Variants in DYNC2H1 observed in about 807,000 individuals in gnomAD.
DYNC2H1 encodes the protein dynein cytoplasmic 2 heavy chain 1.
A neutral mutation model predicts 570.0 loss-of-function variants in DYNC2H1; 410 were observed. The ratio of observed to expected loss-of-function variants is 0.72; its 90% CI spans 0.66 to 0.78. DYNC2H1 has a LOEUF of 0.78. Among genes scored for constraint, DYNC2H1 ranks in the 30% least tolerant of loss-of-function variants. The pLI is 0.00. For missense variants in DYNC2H1, 4,865 were observed against 5,046.4 expected (o/e 0.96, Z 1.09); for synonymous variants, 1,688 against 1,677.6 (o/e 1.01, Z -0.15).
intron 84 of DYNC2H1, among the ~76,000 whole-genome samples, chr11:103,401,193 G>A (rs1435730452): frequency 6.6e-6 from 1 of 152,162 alleles, no homozygotes; most frequent in African/African-American, 2.4e-5. Context: ...GAATCACACA[G>A]CAAAGAGTTC....
intron 60 of DYNC2H1, 68 bp downstream of exon 60, chr11:103,231,414 T>G: frequency 9.3e-7 from 1 of 1,074,096 alleles, no homozygotes; most frequent in Non-Finnish European, 1.3e-6. Flanking sequence ...CTTGATTTCT[T>G]TCTTGTTTTG....
At chr11:103,253,188 G>A in intron 65 of DYNC2H1, 97 bp from the exon 66 acceptor site, 1 of 1,272,654 alleles carries the variant, frequency 7.9e-7, no homozygotes, top group Non-Finnish European at 1.1e-6. Flanking sequence ...CTGTCGAAAA[G>A]CCTATATTTA....
intron 85 of DYNC2H1, among the ~76,000 whole-genome samples, chr11:103,442,309 T>C (rs937950837): frequency 1.3e-5 from 2 of 152,116 alleles, no homozygotes; most frequent in African/African-American, 2.4e-5. Flanking sequence ...CAAATAAATA[T>C]GTTAATATTA....
chr11:103,432,951 T>C (rs1943946124), intron 84 of DYNC2H1, among the ~76,000 whole-genome samples: 1 of 152,158 alleles, frequency 6.6e-6, no homozygotes, highest in East Asian at 1.9e-4. Flanking sequence ...TTTCAAGGCA[T>C]AGCTTAATAG....
intron 84 of DYNC2H1, among the ~76,000 whole-genome samples, chr11:103,411,539 GA>G (rs910148202): frequency 4.1e-5 from 6 of 145,722 alleles, no homozygotes; most frequent in Non-Finnish European, 6.0e-5. Flanking sequence ...ATAAACACTT[GA>G]AAAAAAAAGG....
chr11:103,135,970 A>G (rs1859517325), intron 17 of DYNC2H1, 22 bp downstream of exon 17: 1 of 1,501,340 alleles, frequency 6.7e-7, no homozygotes, highest in African/African-American at 1.4e-5. Flanking sequence ...GTAATGTTCC[A>G]TCCTTCCATC....
At chr11:103,386,422 T>C (rs970858039) in intron 83 of DYNC2H1, among the ~76,000 whole-genome samples, 2 of 151,820 alleles carry the variant, frequency 1.3e-5, no homozygotes, top group Admixed American at 6.6e-5. Context: ...TTGAGAGCAG[T>C]TGGGCTCTCC....
rs1392656853 is a variant in DYNC2H1 at position 103,137,029 on chromosome 11, G to C, written c.2574+1081G>C. Among the ~76,000 whole-genome samples the C allele has an allele frequency of 1.0e-4, 15 of 150,284 alleles. 2 individuals are homozygous for C. The highest frequency in any genetic ancestry group is 9.3e-4 in the Admixed American group (14 of 15,046). ...TTTGGCTGCATAAATGTCTTCTTTT[G>C]AGAAGTGTCTGTTCATGTCCTTTGC... On this transcript the variant is annotated intron_variant, in intron 17 of 88. Coordinates refer to ENST00000375735, the MANE Select transcript of DYNC2H1 (RefSeq NM_001377.3).
intron 83 of DYNC2H1, among the ~76,000 whole-genome samples, chr11:103,371,496 A>G (rs973851067): frequency 6.6e-6 from 1 of 152,182 alleles, no homozygotes; most frequent in Non-Finnish European, 1.5e-5. Context: ...AGAGTACCTC[A>G]AGGCACTTAC....
chr11:103,133,433 T>G lies in DYNC2H1; in HGVS notation c.1954-122T>G. 1.2e-6 allele frequency: 1 copy of G among 854,546 alleles called. No individual in the cohort carries two copies. The highest frequency in any genetic ancestry group is 2.1e-5 in the South Asian group (1 of 47,394). 52.9% of individuals were successfully genotyped at this position (854,546 alleles called of 1,614,324 possible). ...CCTTATCATTTATAAAATGGAAAAT[T>G]ATTATGTGCTTTCTTTGTTGCAGGT... On this transcript the variant is annotated intron_variant, in intron 13 of 88. Transcript: ENST00000375735. This position sits in a 1 kb window ranked among gnomAD's most constrained non-coding sequence, Gnocchi z 4.8.
rs370585599 is a variant in DYNC2H1, at chr11:103,253,362, A to G, written c.10120A>G (p.Asn3374Asp). 8 of 1,613,388 alleles carry G rather than the reference A, an allele frequency of 5.0e-6. No individual in the cohort carries two copies. The African/African-American group carries it at 1.1e-4, about 22-fold the overall frequency. The change falls in exon 66 of 89, where the codon AAC (asparagine) becomes GAC (aspartate). Residue 3374 changes from asparagine to aspartate, a missense_variant. This residue lies in a region of DYNC2H1 where 2,401 missense variants were observed against 2,454.6 expected (regional missense o/e 0.98). Coordinates refer to ENST00000375735, the MANE Select transcript of DYNC2H1 (RefSeq NM_001377.3). Reference sequence around the variant, plus strand: ...ATTCCGCCTCTTTTTGTCAACAAGAAACCCAAATCCTTTTATTCCACCGGA... The same window carrying G: ...ATTCCGCCTCTTTTTGTCAACAAGAGACCCAAATCCTTTTATTCCACCGGA... ...EEFRLFLSTR[N>D]PNPFIPPDAA...
rs749396774 is a variant in DYNC2H1 at position 103,148,528 on chromosome 11, A to G, written c.2857A>G (p.Met953Val). The G allele has an allele frequency of 2.9e-5, 46 of 1,565,172 alleles. No homozygotes were observed. The highest frequency in any genetic ancestry group is 3.7e-5 in the Non-Finnish European group (43 of 1,153,174). Residue 953 changes from methionine (M) to valine (V), a missense_variant, in exon 20 of 89, where the codon ATG (methionine) becomes GTG (valine). By Grantham distance (21) the Met-to-Val change is conservative. Coordinates refer to ENST00000375735, the MANE Select transcript of DYNC2H1 (RefSeq NM_001377.3). Reference protein sequence around the residue: ...HEIDTFVTEAMEVLTIMPQSV... With the variant: ...HEIDTFVTEAVEVLTIMPQSV... ...AATTGATACATTTGTTACTGAGGCT[A>G]TGGAAGTCTTAACAATTATGCCCCA...
intron 75 of DYNC2H1, among the ~76,000 whole-genome samples, chr11:103,290,718 G>A (rs1388252588): frequency 6.6e-6 from 1 of 151,912 alleles, no homozygotes; most frequent in African/African-American, 2.4e-5. Context: ...TTTTCTTTGT[G>A]TCTTTGTCTC....
intron 55 of DYNC2H1, among the ~76,000 whole-genome samples, 186 bp from the exon 56 acceptor site, chr11:103,219,728 GA>G (rs1164673209): frequency 6.6e-6 from 1 of 152,162 alleles, no homozygotes; most frequent in Non-Finnish European, 1.5e-5. Flanking sequence ...CTTTCTGATA[GA>G]AAATATGGAG....
intron 53 of DYNC2H1, 140 bp downstream of exon 53, chr11:103,210,100 C>A: frequency 9.6e-7 from 1 of 1,047,050 alleles, no homozygotes; most frequent in Non-Finnish European, 1.2e-6. Flanking sequence ...TCTTCTGATG[C>A]AAACAAAATT....
chr11:103,236,587 G>C, intron 63 of DYNC2H1, 48 bp downstream of exon 63: 1 of 1,016,226 alleles, frequency 9.8e-7, no homozygotes, highest in Non-Finnish European at 1.5e-6. Context: ...TTATTGTCAA[G>C]CTTGCTGTAG....
chr11:103,473,642 A>G (rs1051987157), intron 88 of DYNC2H1, among the ~76,000 whole-genome samples: 1 of 152,180 alleles, frequency 6.6e-6, no homozygotes, highest in Non-Finnish European at 1.5e-5. Context: ...CCTACACCCT[A>G]TGCTCCATCA....
intron 82 of DYNC2H1, among the ~76,000 whole-genome samples, chr11:103,342,993 G>T (rs1041462753): frequency 2.0e-5 from 3 of 152,052 alleles, no homozygotes; most frequent in Non-Finnish European, 4.4e-5. Context: ...TAAACACTGG[G>T]CACCCATTGG....
At chr11:103,453,518 TA>T (rs1944678807) in intron 85 of DYNC2H1, among the ~76,000 whole-genome samples, 1 of 151,468 alleles carries the variant, frequency 6.6e-6, no homozygotes, top group Non-Finnish European at 1.5e-5. Flanking sequence ...ATTTTTTCCA[TA>T]GATTAATAAC....
Sources: allele counts gnomAD v4.1 joint callset (sites outside exome capture counted in the v4.1 genomes callset), GRCh38; gene constraint gnomAD v4.1.1; regional missense constraint gnomAD v4.1.1; non-coding constraint Gnocchi (gnomAD v3.1); transcripts MANE v1.5; gene names NCBI Gene and HGNC (gene_info 2026-07-23, HGNC 2026-07-21).